Variants in ASH1L observed in about 807,000 individuals in gnomAD.
ASH1L encodes ASH1 like histone lysine methyltransferase.
A neutral mutation model predicts 269.0 loss-of-function variants in ASH1L; 23 were observed. That is an observed-to-expected ratio of 0.09 (90% CI 0.06 to 0.12). ASH1L has a LOEUF of 0.12. ASH1L is among the 10% of genes least tolerant of loss of function. The pLI, the probability that ASH1L is intolerant of heterozygous loss-of-function variation, is 1.00. For missense variants in ASH1L, 2,912 were observed against 3,567.8 expected, an observed-to-expected ratio of 0.82 and a Z score of 4.68; for synonymous variants, 1,187 against 1,253.5, an observed-to-expected ratio of 0.95 and a Z score of 1.12.
At chr1:155,538,742 A>C (rs1450192702) in intron 1 of ASH1L, among the ~76,000 whole-genome samples, 1 of 150,446 alleles carries the variant, frequency 6.6e-6, no homozygotes, top group African/African-American at 2.4e-5. Context: ...TCCTGTGCTC[A>C]AGGGATCCTC....
At chr1:155,549,140 C>T (rs1671026326) in intron 1 of ASH1L, among the ~76,000 whole-genome samples, 1 of 151,996 alleles carries the variant, frequency 6.6e-6, no homozygotes, top group South Asian at 2.1e-4. Context: ...ACAGGGAGGT[C>T]GAGACGAACC....
chr1:155,346,789 C>T (rs1003165275), intron 20 of ASH1L, among the ~76,000 whole-genome samples: 16 of 152,178 alleles, frequency 1.1e-4, no homozygotes, highest in African/African-American at 3.6e-4. Context: ...AGCTATTCTG[C>T]TTTCAGAATA....
At chr1:155,344,151 CT>C (rs1268152458) in intron 22 of ASH1L, 31 bp downstream of exon 22, 1 of 1,596,424 alleles carries the variant, frequency 6.3e-7, no homozygotes, top group East Asian at 2.2e-5. Context: ...AAGGTCACCT[CT>C]GACAAGTAGG....
At chr1:155,351,557 A>G (rs901542195) in intron 17 of ASH1L, among the ~76,000 whole-genome samples, 3 of 151,600 alleles carry the variant, frequency 2.0e-5, no homozygotes, top group Admixed American at 1.3e-4. Context: ...TGTCTAAAAC[A>G]ATAAAAATAA....
rs541947376 is a variant in ASH1L at position 155,455,868 on chromosome 1, T to C, written c.5086+3929A>G. On this transcript the variant is annotated intron_variant, in intron 4 of 27. Coordinates refer to ENST00000392403, the MANE Select transcript of ASH1L (RefSeq NM_018489.3). The stretch of plus-strand genomic sequence containing the variant: ...AGAGCTTGTGGTCAGGAACTCCTTT[T>C]TCTTCCTCCTTCCAAAGCCAAAACT... Among the ~76,000 whole-genome samples the C allele has an allele frequency of 5.9e-5, 9 of 152,336 alleles. No homozygotes were observed. The South Asian group carries it at 1.9e-3, about 32-fold the overall frequency.
chr1:155,340,047 T>C (rs1558010648), intron 25 of ASH1L, among the ~76,000 whole-genome samples: 2 of 151,842 alleles, frequency 1.3e-5, no homozygotes, highest in African/African-American at 2.4e-5. Flanking sequence ...AAGCTATTGA[T>C]TGAGCAAGCA....
At chr1:155,545,463 T>TAC (rs898567225) in intron 1 of ASH1L, among the ~76,000 whole-genome samples, 20 of 151,580 alleles carry the variant, frequency 1.3e-4, no homozygotes, top group South Asian at 1.2e-3. Flanking sequence ...ATATTTTTTA[T>TAC]ACACACACAC....
At chr1:155,394,818 T>C (rs916661184) in intron 7 of ASH1L, among the ~76,000 whole-genome samples, 3 of 152,172 alleles carry the variant, frequency 2.0e-5, no homozygotes, top group African/African-American at 4.8e-5. Flanking sequence ...ACTCTGATCA[T>C]ATGTGTGTAT....
chr1:155,432,396 G>T (rs1571199152), intron 5 of ASH1L, among the ~76,000 whole-genome samples: 1 of 152,092 alleles, frequency 6.6e-6, no homozygotes, highest in East Asian at 1.9e-4. Flanking sequence ...AATCCATGAA[G>T]GTAGGAAAAG....
upstream of ASH1L, chr1:155,562,949 C>A (rs1352393271): frequency 3.1e-5 from 14 of 457,448 alleles, no homozygotes; most frequent in East Asian, 2.8e-4. Context: ...ACAATCCCCC[C>A]CGCGGGACTG....
At chr1:155,501,582 G>C (rs1391020685) in intron 2 of ASH1L, among the ~76,000 whole-genome samples, 1 of 152,148 alleles carries the variant, frequency 6.6e-6, no homozygotes, top group African/African-American at 2.4e-5. Flanking sequence ...TGTTGACTAG[G>C]CTGGTCTTGA....
Position 155,343,569 on chromosome 1 carries a change from C to T in ASH1L, c.8120+35G>A, listed in dbSNP as rs189470368. On this transcript the variant is annotated intron_variant, in intron 23 of 27. Transcript: ENST00000392403. This position sits in a 1 kb window ranked among gnomAD's most constrained non-coding sequence, Gnocchi z 6.1. ...AACATTCAGCTCCACTGGTACAGCA[C>T]GGCTGGAAGAAAAGGACAGGACCTC... The T allele has an allele frequency of 1.4e-5, 23 of 1,612,866 alleles. No homozygotes were observed. Among genetic ancestry groups the T allele is most frequent in the Middle Eastern group, 1.6e-4 (1 of 6,080 alleles).
At chr1:155,371,799 T>C (rs935490878) in intron 10 of ASH1L, among the ~76,000 whole-genome samples, 1 of 151,166 alleles carries the variant, frequency 6.6e-6, no homozygotes. Flanking sequence ...GTTCAAGAGA[T>C]TCTCCTGCCT....
intron 1 of ASH1L, among the ~76,000 whole-genome samples, chr1:155,557,750 A>G (rs924725025): frequency 1.3e-5 from 2 of 152,202 alleles, no homozygotes; most frequent in African/African-American, 4.8e-5. Context: ...AAAAATATAA[A>G]TGAAAAAACA....
At position 155,481,155 on chromosome 1, in the gene ASH1L, G is replaced by C. The variant is rs1665931963; in HGVS notation, c.1715C>G (p.Pro572Arg). 2 of 1,614,050 alleles carry C rather than the reference G, an allele frequency of 1.2e-6. No individual in the cohort carries two copies. The highest frequency in any genetic ancestry group is 1.7e-6 in the Non-Finnish European group (2 of 1,179,976). The part of the protein sequence containing the change: ...VSVNPLTRSP[P>R]ETSSQLAPNP... ...AGGAGCCAACTGTGAAGAAGTTTCAGGGGGACTTCTGGTTAAAGGATTAAC... is the reference window on the plus strand; with the variant it reads ...AGGAGCCAACTGTGAAGAAGTTTCACGGGGACTTCTGGTTAAAGGATTAAC... The change falls in exon 3 of 28, where the codon CCT (proline) becomes CGT (arginine). Residue 572 changes from proline (P) to arginine (R), a missense_variant. Physicochemically the swap from Pro to Arg is moderately radical, Grantham distance 103. Transcript: ENST00000392403.
At chr1:155,355,327 A>T (rs1654283166) in intron 15 of ASH1L, among the ~76,000 whole-genome samples, 1 of 152,262 alleles carries the variant, frequency 6.6e-6, no homozygotes, top group Non-Finnish European at 1.5e-5. Context: ...CTGGGATTAC[A>T]GTGGTGGCGT....
In ASH1L at chr1:155,530,673, T is replaced by C. The variant is rs113213125; in HGVS notation, c.-99-9055A>G. On this transcript the variant is annotated intron_variant, in intron 1 of 27. Transcript: ENST00000392403. ...ACTGTTTGAACACAGGAGGTGGAGG[T>C]TGCAGTGAGCCAAGACTGTGCCACT... Among the ~76,000 whole-genome samples, 72 of 148,312 alleles carry C rather than the reference T, an allele frequency of 4.9e-4. No individual in the cohort carries two copies. In the South Asian group the frequency reaches 0.014, roughly 28 times the overall value.
intron 4 of ASH1L, among the ~76,000 whole-genome samples, chr1:155,446,679 T>A (rs1456280194): frequency 6.7e-6 from 1 of 150,296 alleles, no homozygotes; most frequent in Non-Finnish European, 1.5e-5. Context: ...TGGACTGCAG[T>A]GGCGCGATCT....
chr1:155,370,968 C>T lies in ASH1L; in HGVS notation c.6348G>A (p.Glu2116=), dbSNP rs748957255. 7 of 1,614,096 alleles carry T rather than the reference C, an allele frequency of 4.3e-6. No individual in the cohort carries two copies. In the South Asian group the frequency reaches 7.7e-5, roughly 18 times the overall value. The change falls in exon 11 of 28, where the codon GAG becomes GAA. Residue 2116 remains glutamate (E), a synonymous_variant. Transcript: ENST00000392403. ...DDCLNRMIFA[E]CSPNTCPCGE... is the part of the protein sequence containing the mutation. ...CACATGGGCAAGTGTTGGGGGAACA[C>T]TCAGCAAAGATCATTCTAGAAAAAA...
Sources: allele counts gnomAD v4.1 joint callset (sites outside exome capture counted in the v4.1 genomes callset), GRCh38; gene constraint gnomAD v4.1.1; non-coding constraint Gnocchi (gnomAD v3.1); transcripts MANE v1.5; gene names NCBI Gene and HGNC (gene_info 2026-07-23, HGNC 2026-07-21).